The following GRIA4 variants were observed in gnomAD, a reference collection of about 807,000 sequenced individuals.
The protein encoded by GRIA4 is glutamate ionotropic receptor AMPA type subunit 4.
GRIA4 carries 34 observed loss-of-function variants against 104.0 expected under a neutral mutation model. That is an observed-to-expected ratio of 0.33 (90% CI 0.25 to 0.44). The LOEUF (loss-of-function observed/expected upper bound fraction) is 0.44, where lower values mean the gene tolerates loss of function less well. Among genes scored for constraint, GRIA4 ranks in the 20% least tolerant of loss-of-function variants. GRIA4 has a pLI of 1.00. For synonymous variants in GRIA4, 386 were observed against 381.9 expected, an observed-to-expected ratio of 1.01 and a Z score of -0.13; for missense variants, 750 against 1,096.5, an observed-to-expected ratio of 0.68 and a Z score of 4.46.
In GRIA4 at chr11:105,782,943, C is replaced by T. The variant is rs535371282; in HGVS notation, c.487+29723C>T. Among the ~76,000 whole-genome samples the T allele has an allele frequency of 9.2e-5, 14 of 152,220 alleles. No individual in the cohort carries two copies. The South Asian group carries it at 1.2e-3, about 14-fold the overall frequency. On this transcript the variant is annotated intron_variant, in intron 4 of 16. Transcript: ENST00000282499. ...GATTGAGTGAAATATAAAATACATA[C>T]GTACATACATACATACACACACAAA...
intron 3 of GRIA4, among the ~76,000 whole-genome samples, chr11:105,730,417 T>C (rs1224981330): frequency 6.6e-6 from 1 of 152,146 alleles, no homozygotes; most frequent in African/African-American, 2.4e-5. Context: ...TGCTCATGGA[T>C]AGAAGAATGA....
chr11:105,922,481 G>C (rs936087059), intron 11 of GRIA4, among the ~76,000 whole-genome samples: 2 of 152,104 alleles, frequency 1.3e-5, no homozygotes, highest in Non-Finnish European at 2.9e-5. Context: ...GTTAGGATTT[G>C]TCCTCAAAGA....
intron 13 of GRIA4, among the ~76,000 whole-genome samples, chr11:105,933,471 A>G (rs1947942682): frequency 6.6e-6 from 1 of 152,092 alleles, no homozygotes; most frequent in Admixed American, 6.6e-5. Flanking sequence ...GGTAACTGTT[A>G]TGGTAAGAGG....
intron 3 of GRIA4, among the ~76,000 whole-genome samples, chr11:105,668,312 T>C (rs1952241954): frequency 6.8e-6 from 1 of 147,804 alleles, no homozygotes; most frequent in Non-Finnish European, 1.5e-5. Context: ...TACATAGACA[T>C]AATAGAATAT....
At chr11:105,794,505 A>G (rs1294110548) in intron 4 of GRIA4, among the ~76,000 whole-genome samples, 1 of 123,722 alleles carries the variant, frequency 8.1e-6, no homozygotes, top group Non-Finnish European at 1.7e-5. Flanking sequence ...ATATATATAT[A>G]TATATATACA....
chr11:105,969,059 T>C (rs1296320885), intron 14 of GRIA4, among the ~76,000 whole-genome samples: 1 of 152,232 alleles, frequency 6.6e-6, no homozygotes, highest in Non-Finnish European at 1.5e-5. Flanking sequence ...TGGATATTCA[T>C]ATAAAATTAT....
chr11:105,656,209 T>C (rs1301891285), intron 3 of GRIA4, among the ~76,000 whole-genome samples: 1 of 152,046 alleles, frequency 6.6e-6, no homozygotes, highest in Non-Finnish European at 1.5e-5. Context: ...GTTTAAATTA[T>C]TTGTAGATTC....
intron 4 of GRIA4, among the ~76,000 whole-genome samples, chr11:105,773,322 C>T (rs898621030): frequency 2.0e-5 from 3 of 151,830 alleles, no homozygotes; most frequent in Admixed American, 6.6e-5. Context: ...AAGAAAGGAA[C>T]AAACAAAATA....
At chr11:105,833,412 G>A (rs1831791365) in intron 4 of GRIA4, among the ~76,000 whole-genome samples, 1 of 151,746 alleles carries the variant, frequency 6.6e-6, no homozygotes. Flanking sequence ...AAACCAATCT[G>A]TACAAATATA....
chr11:105,917,575 T>C (rs1034248606), intron 10 of GRIA4, among the ~76,000 whole-genome samples: 2 of 152,136 alleles, frequency 1.3e-5, no homozygotes, highest in African/African-American at 4.8e-5. Context: ...GATTACCAAA[T>C]AAATGTTACA....
chr11:105,850,208 G>T (rs1245850735), intron 4 of GRIA4, among the ~76,000 whole-genome samples: 1 of 151,956 alleles, frequency 6.6e-6, no homozygotes, highest in East Asian at 1.9e-4. Flanking sequence ...ATACAAACTT[G>T]GTTCCAATTT....
intron 4 of GRIA4, among the ~76,000 whole-genome samples, chr11:105,861,548 C>T (rs1945225119): frequency 6.6e-6 from 1 of 152,082 alleles, no homozygotes; most frequent in South Asian, 2.1e-4. Context: ...AATGAGTCCT[C>T]AATAAATACT....
At chr11:105,957,238 T>A (rs1948614347) in intron 14 of GRIA4, among the ~76,000 whole-genome samples, 1 of 152,200 alleles carries the variant, frequency 6.6e-6, no homozygotes, top group Non-Finnish European at 1.5e-5. Flanking sequence ...TTTTTATGGC[T>A]TTTAGGTCTA....
chr11:105,793,054 G>A (rs1942285549), intron 4 of GRIA4, among the ~76,000 whole-genome samples: 1 of 152,176 alleles, frequency 6.6e-6, no homozygotes, highest in Non-Finnish European at 1.5e-5. Flanking sequence ...GTGTAAACAA[G>A]TTCTTATGCC....
Position 105,610,889 on chromosome 11 carries a change from TGGTTGATTTTAA to T in GRIA4, c.-90-18_-90-7del. 3.3e-6 allele frequency: 1 copy of T among 306,942 alleles called. No individual in the cohort carries two copies. Among genetic ancestry groups the T allele is most frequent in the South Asian group, 9.0e-5 (1 of 11,066 alleles). 19.0% of individuals were successfully genotyped at this position (306,942 alleles called of 1,614,324 possible). A position where few individuals can be genotyped will look rare whatever the true frequency, so the allele number is the denominator to read the frequency against. ...TCTTTTCTTTTTTTTTTTTTTTTTT[TGGTTGATTTTAA>T]TTTTAGCGCCATCGTCTTCAATGCT... On this transcript the variant is annotated splice_polypyrimidine_tract_variant and splice_region_variant and intron_variant, in intron 1 of 16. Coordinates refer to ENST00000282499, the MANE Select transcript of GRIA4 (RefSeq NM_000829.4).
At chr11:105,855,234 C>G (rs549432033) in intron 4 of GRIA4, among the ~76,000 whole-genome samples, 1 of 152,228 alleles carries the variant, frequency 6.6e-6, no homozygotes, top group African/African-American at 2.4e-5. Flanking sequence ...AGGGTCTAAT[C>G]TTTTGCTTAA....
chr11:105,658,748 T>C (rs918985356), intron 3 of GRIA4, among the ~76,000 whole-genome samples: 1 of 151,948 alleles, frequency 6.6e-6, no homozygotes, highest in Admixed American at 6.6e-5. Context: ...CTTAGGTCTT[T>C]GTTGAATTTT....
intron 3 of GRIA4, among the ~76,000 whole-genome samples, chr11:105,616,680 T>C (rs1337375783): frequency 6.6e-6 from 1 of 151,770 alleles, no homozygotes; most frequent in African/African-American, 2.4e-5. Context: ...TTAAACATGC[T>C]AAAGATAAAA....
intron 3 of GRIA4, among the ~76,000 whole-genome samples, chr11:105,642,722 G>T (rs759792853): frequency 1.6e-4 from 24 of 152,024 alleles, no homozygotes; most frequent in Non-Finnish European, 2.9e-4. Context: ...TGATATTGTT[G>T]AATCAAGTAC....
Sources: allele counts gnomAD v4.1 joint callset (sites outside exome capture counted in the v4.1 genomes callset), GRCh38; gene constraint gnomAD v4.1.1; transcripts MANE v1.5; gene names NCBI Gene and HGNC (gene_info 2026-07-23, HGNC 2026-07-21).